Variants in TIA1 observed in about 807,000 individuals in gnomAD.
TIA1 encodes the protein TIA1 cytotoxic granule associated RNA binding protein, also known as cytotoxic granule associated RNA binding protein TIA1.
In TIA1, 23 loss-of-function variants were observed where a neutral mutation model predicts 65.9. The ratio of observed to expected loss-of-function variants is 0.35; its 90% CI spans 0.25 to 0.49. The LOEUF is 0.49. Among genes scored for constraint, TIA1 ranks in the 20% least tolerant of loss-of-function variants. The pLI, the probability that TIA1 is intolerant of heterozygous loss-of-function variation, is 0.98. For missense variants in TIA1, 371 were observed against 477.9 expected (o/e 0.78, Z 2.09); for synonymous variants, 147 against 149.4 (o/e 0.98, Z 0.12).
intron 3 of TIA1, among the ~76,000 whole-genome samples, chr2:70,229,636 C>A (rs1298847306): frequency 6.6e-6 from 1 of 152,054 alleles, no homozygotes; most frequent in Admixed American, 6.6e-5. Context: ...TTACCATGTA[C>A]AATCCACCAT....
intron 1 of TIA1, among the ~76,000 whole-genome samples, chr2:70,242,193 C>A (rs1357512438): frequency 6.6e-6 from 1 of 152,078 alleles, no homozygotes; most frequent in Admixed American, 6.6e-5. Context: ...ACTATCTCTG[C>A]ATCTCTTGTG....
intron 12 of TIA1, 32 bp downstream of exon 12, chr2:70,214,317 G>A (rs1462608090): frequency 1.3e-6 from 2 of 1,585,402 alleles, no homozygotes; most frequent in African/African-American, 1.4e-5. Flanking sequence ...CATTTTCAAA[G>A]GTTAGTAAAG....
At chr2:70,220,055 TTAA>T in intron 7 of TIA1, among the ~76,000 whole-genome samples, 1 of 152,166 alleles carries the variant, frequency 6.6e-6, no homozygotes, top group South Asian at 2.1e-4. Flanking sequence ...GCCGAAGTAA[TTAA>T]GATGAGGTTA....
In TIA1 at chr2:70,223,342, GA is replaced by G. The variant is rs797000314; in HGVS notation, c.474+1211del. Among the ~76,000 whole-genome samples, 12 of 149,156 alleles carry G rather than the reference GA, an allele frequency of 8.0e-5. No individual in the cohort carries two copies. The South Asian group carries it at 8.5e-4, about 11-fold the overall frequency. ...TAATTTTTATTTTCTCATCTTACAG[GA>G]AAAAAAAAATCTTTGGTAGATGGGA... On this transcript the variant is annotated intron_variant, in intron 7 of 12. Coordinates refer to ENST00000433529, the MANE Select transcript of TIA1 (RefSeq NM_022173.4).
chr2:70,217,017 C>G (rs761607547), intron 7 of TIA1, 23 bp from the exon 8 acceptor site: 12 of 1,590,756 alleles, frequency 7.5e-6, no homozygotes, highest in Non-Finnish European at 1.0e-5. Flanking sequence ...ACATTAGAAA[C>G]AATAAAGAAG....
chr2:70,228,959 CTCCCGCCCCCCTCCCCCAAATAT>C, intron 5 of TIA1, 77 bp downstream of exon 5: 1 of 335,332 alleles, frequency 3.0e-6, no homozygotes. Flanking sequence ...ATAATATCTC[CTCCCGCCCCCCTCCCCCAAATAT>C]CAAACAAAAA....
In TIA1 at chr2:70,248,531, C is replaced by T. The variant is rs771648799; in HGVS notation, c.-101G>A. On this transcript the variant is annotated 5_prime_UTR_variant, in exon 1 of 13. Coordinates refer to ENST00000433529, the MANE Select transcript of TIA1 (RefSeq NM_022173.4). ...ATGGCTACAGGATAGTGGGGTTTCT[C>T]GGCTGACCAGAGGTTACTCCGCCTC... The T allele has an allele frequency of 1.3e-6, 2 of 1,566,758 alleles. No homozygotes were observed. Among genetic ancestry groups the T allele is most frequent in the South Asian group, 2.2e-5 (2 of 88,902 alleles).
At chr2:70,247,197 G>T (rs1292153130) in intron 1 of TIA1, among the ~76,000 whole-genome samples, 1 of 152,138 alleles carries the variant, frequency 6.6e-6, no homozygotes, top group Non-Finnish European at 1.5e-5. Context: ...GATACTTTCT[G>T]AGCCTCAGGA....
At chr2:70,225,351 T>C (rs1024686174) in intron 6 of TIA1, 1 of 1,288,296 alleles carries the variant, frequency 7.8e-7, no homozygotes, top group Non-Finnish European at 1.0e-6. Context: ...GAACCGTAGC[T>C]TGTAGTTAGC....
intron 2 of TIA1, among the ~76,000 whole-genome samples, chr2:70,231,998 C>T (rs1186116121): frequency 1.3e-5 from 2 of 151,108 alleles, no homozygotes; most frequent in South Asian, 2.1e-4. Context: ...GTCAGGAGAT[C>T]GACACCATCC....
intron 8 of TIA1, 127 bp downstream of exon 8, chr2:70,216,759 G>C (rs770392059): frequency 4.4e-6 from 7 of 1,598,570 alleles, no homozygotes; most frequent in Non-Finnish European, 5.9e-6. Context: ...GTACATTTTT[G>C]AATAGTAGTC....
chr2:70,238,904 A>G (rs1690395606), intron 1 of TIA1, among the ~76,000 whole-genome samples: 1 of 152,008 alleles, frequency 6.6e-6, no homozygotes, highest in African/African-American at 2.4e-5. Flanking sequence ...ATAAAAATAA[A>G]GATAAAAAAT....
rs769464163 is a variant in TIA1 at position 70,229,047 on chromosome 2, A to G, written c.310+12T>C. On this transcript the variant is annotated intron_variant, in intron 5 of 12. Coordinates refer to ENST00000433529, the MANE Select transcript of TIA1 (RefSeq NM_022173.4). ...AAGAGATTTCATTTTATGTTTAAGAAGATACAATTACCTTGTGAACGCTGT... is the reference window on the plus strand; with the variant it reads ...AAGAGATTTCATTTTATGTTTAAGAGGATACAATTACCTTGTGAACGCTGT... 1.2e-5 allele frequency: 20 copies of G among 1,607,992 alleles called. No homozygotes were observed. The Admixed American group carries it at 2.9e-4, about 23-fold the overall frequency.
chr2:70,223,732 GAAA>G (rs534402201), intron 7 of TIA1, among the ~76,000 whole-genome samples: 3 of 139,708 alleles, frequency 2.1e-5, no homozygotes, highest in Non-Finnish European at 4.7e-5. Context: ...GGAATTCCCG[GAAA>G]AAAAAAAATT....
chr2:70,234,115 A>G (rs1468314367), intron 2 of TIA1, among the ~76,000 whole-genome samples: 1 of 152,236 alleles, frequency 6.6e-6, no homozygotes, highest in African/African-American at 2.4e-5. Context: ...CCAGAGAGAG[A>G]GTAGCAGCAG....
At chr2:70,227,895 C>A in intron 5 of TIA1, 73 bp from the exon 6 acceptor site, 2 of 963,922 alleles carry the variant, frequency 2.1e-6, no homozygotes, top group Non-Finnish European at 3.2e-6. Flanking sequence ...AAAATCTATC[C>A]AATAAAGTAT....
intron 1 of TIA1, among the ~76,000 whole-genome samples, chr2:70,247,029 C>T (rs1248773797): frequency 6.6e-6 from 1 of 152,158 alleles, no homozygotes; most frequent in Non-Finnish European, 1.5e-5. Flanking sequence ...CGAGCAGTGC[C>T]TTAACCCAAA....
intron 11 of TIA1, 94 bp downstream of exon 11, chr2:70,215,277 C>G: frequency 1.3e-6 from 2 of 1,521,554 alleles, no homozygotes; most frequent in South Asian, 1.1e-5. Flanking sequence ...ATCATTTTAG[C>G]TAGAAACTTA....
At chr2:70,213,066 T>C (rs1042136180) in intron 12 of TIA1, among the ~76,000 whole-genome samples, 9 of 152,174 alleles carry the variant, frequency 5.9e-5, no homozygotes, top group African/African-American at 2.2e-4. Flanking sequence ...CAGTTTAATT[T>C]TGTTAGAAAT....
Sources: gnomAD v4.1 joint callset for allele counts (sites outside exome capture counted in the v4.1 genomes callset) on GRCh38, gnomAD v4.1.1 for gene constraint, MANE v1.5 for transcripts, NCBI Gene and HGNC (gene_info 2026-07-23, HGNC 2026-07-21) for gene names.